NALF1: variants seen among roughly 807,000 people sequenced by gnomAD.
NALF1 encodes the protein family with sequence similarity 155 member A.
NALF1 carries 3 observed loss-of-function variants against 48.4 expected under a neutral mutation model. The observed-to-expected ratio is 0.06, with a 90% CI of 0.03 to 0.16. NALF1 has a LOEUF of 0.16. Ranked by LOEUF, NALF1 falls within the 10% of genes least tolerant of loss-of-function variation. The pLI is 1.00. For synonymous variants in NALF1, 262 were observed against 245.7 expected (o/e 1.07, Z -0.62); for missense variants, 526 against 571.5 (o/e 0.92, Z 0.81).
intron 1 of NALF1, among the ~76,000 whole-genome samples, chr13:107,251,807 T>C (rs1364327544): frequency 1.3e-5 from 2 of 152,236 alleles, no homozygotes; most frequent in South Asian, 2.1e-4. Context: ...AGATCACATA[T>C]GCCTGTTAAA....
intron 1 of NALF1, among the ~76,000 whole-genome samples, chr13:107,537,824 C>G (rs1876878963): frequency 6.6e-6 from 1 of 152,018 alleles, no homozygotes; most frequent in Non-Finnish European, 1.5e-5. Context: ...TCAAGACCAG[C>G]CTGGCCAACA....
At chr13:107,195,512 A>C (rs1457970308) in intron 2 of NALF1, among the ~76,000 whole-genome samples, 2 of 152,218 alleles carry the variant, frequency 1.3e-5, no homozygotes, top group East Asian at 3.9e-4. Flanking sequence ...AGTTTGTGAT[A>C]ATCACACTCT....
chr13:107,662,424 A>G (rs1880756030), intron 1 of NALF1, among the ~76,000 whole-genome samples: 1 of 152,224 alleles, frequency 6.6e-6, no homozygotes, highest in Admixed American at 6.5e-5. Context: ...TTTTAAAAGT[A>G]TTGAAAGCAT....
intron 1 of NALF1, among the ~76,000 whole-genome samples, chr13:107,642,532 A>G (rs1880187807): frequency 6.6e-6 from 1 of 152,202 alleles, no homozygotes; most frequent in Admixed American, 6.5e-5. Context: ...ATTCACAACA[A>G]TCAATTCTTG....
At chr13:107,508,515 C>T (rs1430437182) in intron 1 of NALF1, among the ~76,000 whole-genome samples, 1 of 151,976 alleles carries the variant, frequency 6.6e-6, no homozygotes, top group Non-Finnish European at 1.5e-5. Context: ...AGTCACTAAC[C>T]AGGTGTGAAT....
rs940805646 is a variant in NALF1, at chr13:107,733,138, T to G, written c.915+132544A>C. On this transcript the variant is annotated intron_variant, in intron 1 of 2. Coordinates refer to ENST00000375915, the MANE Select transcript of NALF1 (RefSeq NM_001080396.3). Reference sequence around the variant, plus strand: ...ACATTTCTTTAGGTTAGTAAGTTATTCTAGTAGGATAAAAAAAAGTGCCAG... The same window carrying G: ...ACATTTCTTTAGGTTAGTAAGTTATGCTAGTAGGATAAAAAAAAGTGCCAG... 4.1e-5 allele frequency among the ~76,000 whole-genome samples: 3 copies of G among 73,884 alleles called. 1 individual carries two copies. The highest frequency in any genetic ancestry group is 1.2e-4 in the African/African-American group (3 of 25,036). 48.5% of individuals were successfully genotyped at this position (73,884 alleles called of 152,430 possible). A position where few individuals can be genotyped will look rare whatever the true frequency, so the allele number is the denominator to read the frequency against.
rs2806522 is a variant in NALF1, at chr13:107,175,036, A to T, written c.1088-4250T>A. Among the ~76,000 whole-genome samples, 2 of 101,082 alleles carry T rather than the reference A, an allele frequency of 2.0e-5. 1 individual carries two copies. Among genetic ancestry groups the T allele is most frequent in the Non-Finnish European group, 4.0e-5 (2 of 50,182 alleles). 66.3% of individuals were successfully genotyped at this position (101,082 alleles called of 152,430 possible). Reference sequence around the variant, plus strand: ...GTAGCTGGGACTACAGGCGCCCGCCACGACGCCCGGCTAACTTTTTTTTTT... The same window carrying T: ...GTAGCTGGGACTACAGGCGCCCGCCTCGACGCCCGGCTAACTTTTTTTTTT... On this transcript the variant is annotated intron_variant, in intron 2 of 2. Coordinates refer to ENST00000375915, the MANE Select transcript of NALF1 (RefSeq NM_001080396.3).
intron 1 of NALF1, among the ~76,000 whole-genome samples, chr13:107,289,775 C>T (rs528240269): frequency 6.6e-5 from 10 of 152,160 alleles, no homozygotes; most frequent in African/African-American, 1.9e-4. Flanking sequence ...CAACACTCCA[C>T]CAGAATAGCT....
chr13:107,178,963 A>T (rs1594057009), intron 2 of NALF1, among the ~76,000 whole-genome samples: 1 of 151,974 alleles, frequency 6.6e-6, no homozygotes, highest in African/African-American at 2.4e-5. Flanking sequence ...AACAAAAAAA[A>T]AAAACAAAAA....
intron 1 of NALF1, among the ~76,000 whole-genome samples, chr13:107,817,249 A>T (rs991097981): frequency 7.9e-5 from 12 of 152,268 alleles, no homozygotes; most frequent in African/African-American, 2.7e-4. Context: ...ATTAATAAAA[A>T]TGTGAAATGC....
chr13:107,406,214 C>T (rs182984801), intron 1 of NALF1, among the ~76,000 whole-genome samples: 1 of 151,848 alleles, frequency 6.6e-6, no homozygotes, highest in African/African-American at 2.4e-5. Flanking sequence ...AATTACATTG[C>T]CTTTGGAATA....
At chr13:107,500,963 G>C (rs1363687346) in intron 1 of NALF1, among the ~76,000 whole-genome samples, 1 of 151,316 alleles carries the variant, frequency 6.6e-6, no homozygotes, top group Non-Finnish European at 1.5e-5. Context: ...GGGGTGGGGG[G>C]AGTGGGGAGG....
At chr13:107,699,021 A>G (rs1337940436) in intron 1 of NALF1, among the ~76,000 whole-genome samples, 3 of 152,158 alleles carry the variant, frequency 2.0e-5, no homozygotes, top group Non-Finnish European at 4.4e-5. Context: ...AAATGATCCT[A>G]TCTTACTCAA....
At chr13:107,500,779 A>G (rs1350045999) in intron 1 of NALF1, among the ~76,000 whole-genome samples, 4 of 151,930 alleles carry the variant, frequency 2.6e-5, no homozygotes, top group African/African-American at 9.7e-5. Context: ...CAGCCATAAA[A>G]AATGATGAGT....
intron 1 of NALF1, among the ~76,000 whole-genome samples, chr13:107,309,785 T>C (rs1033150037): frequency 1.3e-5 from 2 of 152,206 alleles, no homozygotes; most frequent in Non-Finnish European, 2.9e-5. Flanking sequence ...TAAAAGCACA[T>C]TGCTTATTTA....
intron 1 of NALF1, among the ~76,000 whole-genome samples, chr13:107,576,255 A>T (rs1878145539): frequency 6.6e-6 from 1 of 152,194 alleles, no homozygotes; most frequent in South Asian, 2.1e-4. Flanking sequence ...TATAGAGGAT[A>T]ACCATTGAAT....
chr13:107,832,793 C>T (rs1879778999), intron 1 of NALF1, among the ~76,000 whole-genome samples: 1 of 152,186 alleles, frequency 6.6e-6, no homozygotes, highest in Non-Finnish European at 1.5e-5. Flanking sequence ...AAGTGACCTT[C>T]CTTCCTACAG....
intron 1 of NALF1, among the ~76,000 whole-genome samples, chr13:107,575,077 T>A (rs1158664411): frequency 1.3e-5 from 2 of 152,054 alleles, no homozygotes; most frequent in Non-Finnish European, 2.9e-5. Flanking sequence ...AGCAAGGGCA[T>A]AATCAAGACC....
chr13:107,316,208 C>A (rs1424933560), intron 1 of NALF1, among the ~76,000 whole-genome samples: 5 of 152,124 alleles, frequency 3.3e-5, no homozygotes, highest in Admixed American at 2.0e-4. Flanking sequence ...TCATCCATGT[C>A]CCTACAAAGG....
Sources: allele counts gnomAD v4.1 joint callset (sites outside exome capture counted in the v4.1 genomes callset), GRCh38; gene constraint gnomAD v4.1.1; transcripts MANE v1.5; gene names NCBI Gene and HGNC (gene_info 2026-07-23, HGNC 2026-07-21).